Variants in TRDN observed in about 807,000 individuals in gnomAD.
The protein encoded by TRDN is triadin in skeletal muscle.
A neutral mutation model predicts 149.7 loss-of-function variants in TRDN; 161 were observed. That is an observed-to-expected ratio of 1.08 (90% CI 0.95 to 1.23). The LOEUF (loss-of-function observed/expected upper bound fraction) is 1.23. TRDN is among the 50% of genes most tolerant of loss of function. TRDN has a pLI of 0.00. For synonymous variants in TRDN, 294 were observed against 250.5 expected (o/e 1.17, Z -1.64); for missense variants, 896 against 823.5 (o/e 1.09, Z -1.08).
rs899552776 is a variant in TRDN at position 123,571,002 on chromosome 6, A to C, written c.153T>G (p.Leu51=). ...VTTFSSPAAW[L]LVIALIITWS... ...ACGTGATTATCAGGGCAATGACCAG[A>C]AGCCAGGCTGCAGGGGAGCTGAACG... Residue 51 remains leucine, a synonymous_variant, in exon 2 of 41, where the codon CTT becomes CTG. Transcript: ENST00000334268. The C allele has an allele frequency of 6.2e-7, 1 of 1,613,892 alleles. No homozygotes were observed. The highest frequency in any genetic ancestry group is 1.3e-5 in the African/African-American group (1 of 74,934).
intron 7 of TRDN, among the ~76,000 whole-genome samples, chr6:123,510,736 A>G (rs1275565846): frequency 1.3e-5 from 2 of 151,138 alleles, no homozygotes; most frequent in East Asian, 3.9e-4. Flanking sequence ...CTCTGCGTCC[A>G]GGTTTCAAGG....
chr6:123,564,289 C>G (rs1782162072), intron 2 of TRDN, among the ~76,000 whole-genome samples: 1 of 152,132 alleles, frequency 6.6e-6, no homozygotes. Flanking sequence ...GAGTAAGAAA[C>G]ACACAAAATG....
intron 5 of TRDN, chr6:123,529,262 G>C (rs1461234415): frequency 1.3e-6 from 2 of 1,548,820 alleles, no homozygotes; most frequent in Admixed American, 2.0e-5. Context: ...GGTTCGCTTA[G>C]TCAATCCGTA....
chr6:123,224,621 T>C (rs1465074379), intron 38 of TRDN, among the ~76,000 whole-genome samples: 2 of 151,756 alleles, frequency 1.3e-5, no homozygotes, highest in Non-Finnish European at 2.9e-5. Flanking sequence ...ATGAGTCAAC[T>C]AATCTTTGAA....
At chr6:123,408,834 G>A (rs1773309978) in intron 12 of TRDN, among the ~76,000 whole-genome samples, 2 of 152,022 alleles carry the variant, frequency 1.3e-5, no homozygotes, top group South Asian at 2.1e-4. Flanking sequence ...ATCATTTTAC[G>A]AGTGATATAT....
At chr6:123,402,340 A>C (rs980039653) in intron 12 of TRDN, among the ~76,000 whole-genome samples, 1 of 152,218 alleles carries the variant, frequency 6.6e-6, no homozygotes, top group Non-Finnish European at 1.5e-5. Context: ...AGATTTAACC[A>C]ATCAAGCTAT....
intron 4 of TRDN, among the ~76,000 whole-genome samples, chr6:123,545,033 A>C (rs1781044601): frequency 6.6e-6 from 1 of 151,982 alleles, no homozygotes; most frequent in South Asian, 2.1e-4. Flanking sequence ...TCAACAAATA[A>C]AACTAAGTGT....
chr6:123,460,155 A>G (rs897108201), intron 10 of TRDN, among the ~76,000 whole-genome samples: 4 of 152,206 alleles, frequency 2.6e-5, no homozygotes, highest in African/African-American at 4.8e-5. Context: ...CACACAGTCT[A>G]TCAGGACATG....
At chr6:123,377,943 A>G (rs775189050) in intron 16 of TRDN, 45 bp from the exon 17 acceptor site, 8 of 1,314,238 alleles carry the variant, frequency 6.1e-6, no homozygotes, top group East Asian at 2.5e-5. Context: ...TTATTATTCT[A>G]AAGTTTATGA....
intron 33 of TRDN, among the ~76,000 whole-genome samples, chr6:123,262,890 A>T (rs929487666): frequency 6.6e-6 from 1 of 152,046 alleles, no homozygotes; most frequent in Admixed American, 6.6e-5. Context: ...CTCATTCACC[A>T]AGCCCTCTCC....
chr6:123,391,998 A>G (rs1263484641), intron 13 of TRDN, among the ~76,000 whole-genome samples: 2 of 152,102 alleles, frequency 1.3e-5, no homozygotes, highest in Non-Finnish European at 2.9e-5. Context: ...AATGATATGC[A>G]GTTCTGCTTT....
intron 1 of TRDN, among the ~76,000 whole-genome samples, chr6:123,625,681 T>C (rs1785626785): frequency 6.6e-6 from 1 of 152,184 alleles, no homozygotes; most frequent in African/African-American, 2.4e-5. Context: ...TATTACTCAT[T>C]GTATGCCTGT....
chr6:123,455,356 T>C (rs9482391), intron 10 of TRDN, among the ~76,000 whole-genome samples: 25,555 of 151,872 alleles, frequency 0.17, 2,299 homozygotes, highest in South Asian at 0.28. Context: ...AGGGGTGCCA[T>C]GTCTGTTCTT....
At chr6:123,546,593 A>G (rs753378864) in intron 4 of TRDN, among the ~76,000 whole-genome samples, 6 of 152,054 alleles carry the variant, frequency 3.9e-5, no homozygotes, top group African/African-American at 9.7e-5. Context: ...GTTTTCTCAC[A>G]ACAAATGTAC....
At chr6:123,416,585 G>A (rs1212414640) in intron 12 of TRDN, among the ~76,000 whole-genome samples, 2 of 152,022 alleles carry the variant, frequency 1.3e-5, no homozygotes. Flanking sequence ...TTCATAGCAA[G>A]TATCATTCTC....
intron 8 of TRDN, among the ~76,000 whole-genome samples, chr6:123,500,697 T>C (rs1196014920): frequency 1.3e-5 from 2 of 152,278 alleles, no homozygotes; most frequent in South Asian, 4.1e-4. Context: ...ATTCAAATGA[T>C]ACCTAGTTGG....
At chr6:123,441,809 A>G (rs1387470226) in intron 10 of TRDN, among the ~76,000 whole-genome samples, 1 of 152,136 alleles carries the variant, frequency 6.6e-6, no homozygotes, top group Non-Finnish European at 1.5e-5. Flanking sequence ...TTTTTGTCTT[A>G]TGTTTTGTTC....
chr6:123,449,549 C>G (rs987524065), intron 10 of TRDN, among the ~76,000 whole-genome samples: 2 of 152,088 alleles, frequency 1.3e-5, no homozygotes, highest in African/African-American at 4.8e-5. Flanking sequence ...ATGAACAAAG[C>G]TTCCAAGAAG....
intron 38 of TRDN, among the ~76,000 whole-genome samples, chr6:123,234,585 T>C (rs1046702609): frequency 2.0e-5 from 3 of 152,150 alleles, no homozygotes; most frequent in Admixed American, 6.6e-5. Flanking sequence ...TGTTTTTTAA[T>C]TTAGAAAAAG....
Sources: gnomAD v4.1 joint callset for allele counts (sites outside exome capture counted in the v4.1 genomes callset) on GRCh38, gnomAD v4.1.1 for gene constraint, MANE v1.5 for transcripts, NCBI Gene and HGNC (gene_info 2026-07-23, HGNC 2026-07-21) for gene names.